The following GRAMD1C variants were observed in gnomAD, a reference collection of about 807,000 sequenced individuals.
GRAMD1C encodes the protein protein Aster-C.
In GRAMD1C, 89 loss-of-function variants were observed where a neutral mutation model predicts 97.8. That is an observed-to-expected ratio of 0.91 (90% CI 0.77 to 1.09). The LOEUF is 1.09. Ranked by LOEUF, GRAMD1C falls within the 50% of genes least tolerant of loss-of-function variation. The probability of loss-of-function intolerance (pLI) is 0.00; values close to 1 mark genes in which losing one functional copy is unlikely to be tolerated. For missense variants in GRAMD1C, 740 were observed against 766.4 expected (o/e 0.97, Z 0.41); for synonymous variants, 256 against 267.0 (o/e 0.96, Z 0.40).
chr3:113,844,342 C>T (rs1236685374), intron 1 of GRAMD1C, among the ~76,000 whole-genome samples, 161 bp from the exon 2 acceptor site: 4 of 151,994 alleles, frequency 2.6e-5, no homozygotes, highest in African/African-American at 9.7e-5. Flanking sequence ...AAATATATAA[C>T]TAGATGAACT....
At chr3:113,882,319 C>A (rs559955814) in intron 5 of GRAMD1C, among the ~76,000 whole-genome samples, 1 of 152,234 alleles carries the variant, frequency 6.6e-6, no homozygotes, top group East Asian at 1.9e-4. Flanking sequence ...ATCCTTAAAT[C>A]TATCTCTGAA....
chr3:113,850,271 C>A (rs544428864), intron 2 of GRAMD1C: 2 of 664,730 alleles, frequency 3.0e-6, no homozygotes, highest in East Asian at 3.2e-5. Context: ...ACGACCAAAT[C>A]TGCCTTTAAA....
intron 10 of GRAMD1C, among the ~76,000 whole-genome samples, chr3:113,918,251 T>C (rs1936911199): frequency 6.6e-6 from 1 of 152,188 alleles, no homozygotes; most frequent in Admixed American, 6.5e-5. Context: ...CTTATTATAT[T>C]TTTTCGGAAT....
intron 8 of GRAMD1C, among the ~76,000 whole-genome samples, chr3:113,906,019 G>A (rs1184810881): frequency 6.6e-6 from 1 of 152,146 alleles, no homozygotes; most frequent in African/African-American, 2.4e-5. Context: ...TTTTAAGGGA[G>A]CTGAAAAATT....
At chr3:113,874,089 A>G (rs1934934919) in intron 3 of GRAMD1C, among the ~76,000 whole-genome samples, 1 of 152,174 alleles carries the variant, frequency 6.6e-6, no homozygotes, top group East Asian at 1.9e-4. Flanking sequence ...AATTTTTAGT[A>G]TTTGCTTAGA....
intron 1 of GRAMD1C, among the ~76,000 whole-genome samples, chr3:113,832,039 G>GTTTTTTTTTT (rs113465428): frequency 1.3e-5 from 2 of 149,420 alleles, no homozygotes; most frequent in African/African-American, 5.1e-5. Flanking sequence ...CAGCAACTTT[G>GTTTTTTTTTT]TTTTTTTTGA....
chr3:113,881,513 A>G (rs1935260813), intron 5 of GRAMD1C, among the ~76,000 whole-genome samples: 2 of 152,244 alleles, frequency 1.3e-5, no homozygotes, highest in Admixed American at 1.3e-4. Flanking sequence ...GGAATAAAAG[A>G]AAGGTAGTAA....
chr3:113,855,561 C>T (rs926630983), intron 2 of GRAMD1C, among the ~76,000 whole-genome samples: 10 of 149,484 alleles, frequency 6.7e-5, no homozygotes, highest in African/African-American at 2.2e-4. Flanking sequence ...AAAAATAAGC[C>T]GAGCATGGTG....
intron 3 of GRAMD1C, among the ~76,000 whole-genome samples, chr3:113,870,215 T>C (rs1185511922): frequency 2.6e-5 from 4 of 151,360 alleles, no homozygotes; most frequent in Non-Finnish European, 4.4e-5. Context: ...AAAAAAAAAT[T>C]AGCCAGGTGT....
intron 6 of GRAMD1C, among the ~76,000 whole-genome samples, chr3:113,894,653 TC>T (rs779236955): frequency 1.2e-4 from 19 of 152,294 alleles, no homozygotes; most frequent in South Asian, 6.2e-4. Context: ...AAGCTAGCTC[TC>T]CTTGGAAATT....
At chr3:113,939,117 A>C (rs908927843) in intron 15 of GRAMD1C, 1 of 152,174 alleles carries the variant, frequency 6.6e-6, no homozygotes, top group Non-Finnish European at 1.5e-5. Context: ...TCTTGCTACT[A>C]TCTTAAGTTT....
chr3:113,880,176 A>T (rs1196904474), intron 5 of GRAMD1C, among the ~76,000 whole-genome samples: 1 of 152,174 alleles, frequency 6.6e-6, no homozygotes. Flanking sequence ...TTAATACATA[A>T]TATACCTTTT....
At chr3:113,911,647 CTTTT>C (rs1196517918) in intron 9 of GRAMD1C, among the ~76,000 whole-genome samples, 8 of 120,898 alleles carry the variant, frequency 6.6e-5, no homozygotes, top group African/African-American at 1.1e-4. Flanking sequence ...TTCCTTCTTT[CTTTT>C]TCTTTCTTTC....
chr3:113,867,281 C>G (rs1193654019), intron 2 of GRAMD1C, among the ~76,000 whole-genome samples: 1 of 151,892 alleles, frequency 6.6e-6, no homozygotes, highest in Non-Finnish European at 1.5e-5. Flanking sequence ...GCTTGAAGGA[C>G]TTTATTTTTA....
chr3:113,924,612 T>C (rs1937171956), intron 10 of GRAMD1C, among the ~76,000 whole-genome samples: 1 of 152,260 alleles, frequency 6.6e-6, no homozygotes, highest in Non-Finnish European at 1.5e-5. Context: ...GCTATTGTTA[T>C]TGCACTGTGG....
chr3:113,907,086 C>G (rs61077924), intron 8 of GRAMD1C, among the ~76,000 whole-genome samples: 41,090 of 151,998 alleles, frequency 0.27, 6,427 homozygotes, highest in East Asian at 0.41. Flanking sequence ...CATAATGTAT[C>G]CCTGTCATCA....
chr3:113,885,228 G>C, intron 6 of GRAMD1C: 1 of 909,822 alleles, frequency 1.1e-6, no homozygotes, highest in Non-Finnish European at 1.7e-6. Flanking sequence ...TTCGGCGGGG[G>C]TTGCCCCCGG....
chr3:113,942,369 T>C (rs1289087180), intron 17 of GRAMD1C, among the ~76,000 whole-genome samples: 1 of 152,210 alleles, frequency 6.6e-6, no homozygotes, highest in East Asian at 1.9e-4. Flanking sequence ...AGAGAATTTC[T>C]TTAGTGTTTG....
intron 1 of GRAMD1C, among the ~76,000 whole-genome samples, chr3:113,830,421 T>A (rs1283836167): frequency 6.6e-6 from 1 of 152,204 alleles, no homozygotes; most frequent in African/African-American, 2.4e-5. Context: ...CTGCTCTTTG[T>A]TAGAAAAGAA....
Sources: gnomAD v4.1 joint callset for allele counts (sites outside exome capture counted in the v4.1 genomes callset) on GRCh38, gnomAD v4.1.1 for gene constraint, MANE v1.5 for transcripts, NCBI Gene and HGNC (gene_info 2026-07-23, HGNC 2026-07-21) for gene names.